The following GFRA1 variants were observed in gnomAD, a reference collection of about 807,000 sequenced individuals.
GFRA1 encodes GDNF family receptor alpha-1.
GFRA1 carries 16 observed loss-of-function variants against 51.6 expected under a neutral mutation model. The ratio of observed to expected loss-of-function variants is 0.31; its 90% CI spans 0.21 to 0.47. GFRA1 has a LOEUF of 0.47. Among genes scored for constraint, GFRA1 ranks in the 20% least tolerant of loss-of-function variants. The pLI, the probability that GFRA1 is intolerant of heterozygous loss-of-function variation, is 1.00. For missense variants in GFRA1, 530 were observed against 594.3 expected (o/e 0.89, Z 1.13); for synonymous variants, 270 against 241.3 (o/e 1.12, Z -1.10).
chr10:116,134,209 G>A (rs1329594872), intron 5 of GFRA1, among the ~76,000 whole-genome samples: 1 of 152,048 alleles, frequency 6.6e-6, no homozygotes, highest in Admixed American at 6.6e-5. Flanking sequence ...CCAATTTCTG[G>A]GTATCTTTCT....
rs1011053689 is a variant in GFRA1 at position 116,273,196 on chromosome 10, G to A, written c.-280C>T. ...AACCGACCGCGTCCAGCTGCGGCGA[G>A]GAGCCAGTTTGTTTATTTACTTATT... is the stretch of plus-strand genomic sequence containing the variant. On this transcript the variant is annotated 5_prime_UTR_variant, in exon 1 of 11. Transcript: ENST00000355422. 5.3e-5 allele frequency: 8 copies of A among 152,226 alleles called. No individual in the cohort carries two copies. Among genetic ancestry groups the A allele is most frequent in the African/African-American group, 1.7e-4 (7 of 41,450 alleles). The allele number at this position is 152,226 out of a possible 1,614,324, so 9.4% of individuals were successfully genotyped here.
Position 116,272,021 on chromosome 10 carries a change from CA to C in GFRA1, c.8del (p.Leu3ArgfsTer19). 6.4e-7 allele frequency: 1 copy of C among 1,557,860 alleles called. No homozygotes were observed. ...GCGGCAGCGCGAAGTACAGGGTCGC[CA>C]GGAACATGGTGCCGGCGCGGGGCTG... is the stretch of plus-strand genomic sequence containing the variant. The part of the protein sequence containing the change: MF[L>X]ATLYFALPLL... On this transcript the variant is annotated frameshift_variant, in exon 2 of 11. Coordinates refer to ENST00000355422, the MANE Select transcript of GFRA1 (RefSeq NM_005264.8). LOFTEE classifies it high-confidence loss of function. The surrounding 1 kb of genome is among the most constrained non-coding windows in gnomAD (Gnocchi z 4.4).
chr10:116,064,070 G>GATCATGATGATCATCATC lies in GFRA1; in HGVS notation c.*310_*327dup. 7.0e-6 allele frequency: 1 copy of GATCATGATGATCATCATC among 142,442 alleles called. No homozygotes were observed. Among genetic ancestry groups the GATCATGATGATCATCATC allele is most frequent in the East Asian group, 1.5e-4 (1 of 6,618 alleles). The allele number at this position is 142,442 out of a possible 1,614,324, so 8.8% of individuals were successfully genotyped here. A position where few individuals can be genotyped will look rare whatever the true frequency, so the allele number is the denominator to read the frequency against. On this transcript the variant is annotated 3_prime_UTR_variant, in exon 11 of 11. Coordinates refer to ENST00000355422, the MANE Select transcript of GFRA1 (RefSeq NM_005264.8). ...TCATGATCATGATGATCATCATCAT[G>GATCATGATGATCATCATC]ATCATGATGATCATCATCATGATCA...
intron 6 of GFRA1, among the ~76,000 whole-genome samples, chr10:116,117,557 G>GGA (rs1555152575): frequency 0.5 from 48,170 of 97,148 alleles, 15,098 homozygotes; most frequent in East Asian, 0.71. Flanking sequence ...GGGTGGGTGT[G>GGA]TGGATGGATG....
At chr10:116,135,739 T>C (rs929889556) in intron 5 of GFRA1, among the ~76,000 whole-genome samples, 98 of 152,320 alleles carry the variant, frequency 6.4e-4, no homozygotes, top group African/African-American at 2.3e-3. Context: ...CAAATGGTGA[T>C]GCAAAGAGGA....
At chr10:116,117,585 A>ATGGG (rs1957474633) in intron 6 of GFRA1, among the ~76,000 whole-genome samples, 5 of 112,338 alleles carry the variant, frequency 4.5e-5, no homozygotes, top group East Asian at 5.2e-4. Flanking sequence ...GGATGGATGG[A>ATGGG]TGGATGGATG....
intron 5 of GFRA1, among the ~76,000 whole-genome samples, chr10:116,128,721 GTC>G (rs1957977023): frequency 1.4e-5 from 1 of 73,482 alleles, no homozygotes; most frequent in African/African-American, 7.9e-5. Context: ...GTGAGACTCT[GTC>G]TCAAAAAAAA....
intron 5 of GFRA1, among the ~76,000 whole-genome samples, chr10:116,172,261 G>T (rs1459816874): frequency 6.6e-6 from 1 of 152,076 alleles, no homozygotes; most frequent in Non-Finnish European, 1.5e-5. Flanking sequence ...CTAGACATTA[G>T]AGGTAAGACA....
intron 6 of GFRA1, among the ~76,000 whole-genome samples, chr10:116,112,486 G>C (rs1421970963): frequency 6.6e-6 from 1 of 152,228 alleles, no homozygotes; most frequent in Non-Finnish European, 1.5e-5. Context: ...GCACCAGCCA[G>C]CATTCTAAGC....
At chr10:116,120,716 G>A (rs1957606780) in intron 6 of GFRA1, among the ~76,000 whole-genome samples, 1 of 152,366 alleles carries the variant, frequency 6.6e-6, no homozygotes, top group South Asian at 2.1e-4. Context: ...AACCCCTTAG[G>A]ATGTAGCTCC....
chr10:116,097,683 A>T (rs1476149111), intron 6 of GFRA1, among the ~76,000 whole-genome samples: 1 of 152,180 alleles, frequency 6.6e-6, no homozygotes, highest in African/African-American at 2.4e-5. Context: ...GTTTCTATGG[A>T]AGAACACAAT....
At chr10:116,255,496 A>G (rs1378809129) in intron 4 of GFRA1, 1 of 629,496 alleles carries the variant, frequency 1.6e-6, no homozygotes, top group Non-Finnish European at 2.1e-6. Flanking sequence ...AATCATCAGG[A>G]AAAAAAAAAA....
intron 9 of GFRA1, among the ~76,000 whole-genome samples, chr10:116,066,056 G>A (rs369750318): frequency 2.0e-5 from 3 of 152,290 alleles, no homozygotes; most frequent in South Asian, 2.1e-4. Flanking sequence ...TTTTTGGGAA[G>A]TACCTCCTTC....
chr10:116,150,934 C>T (rs1489181727), intron 5 of GFRA1, among the ~76,000 whole-genome samples: 1 of 151,824 alleles, frequency 6.6e-6, no homozygotes, highest in African/African-American at 2.4e-5. Context: ...CATCGAAAAT[C>T]AGTCAGATTT....
chr10:116,065,444 G>C (rs151257042), intron 10 of GFRA1, 129 bp downstream of exon 10: 12 of 754,434 alleles, frequency 1.6e-5, no homozygotes, highest in Non-Finnish European at 2.3e-5. Flanking sequence ...CGGTCATGGA[G>C]GGTGGCTTAG....
chr10:116,138,069 G>C (rs765285073), intron 5 of GFRA1, among the ~76,000 whole-genome samples: 100 of 152,236 alleles, frequency 6.6e-4, no homozygotes, highest in Middle Eastern at 6.8e-3. Context: ...CCAAAGTGCT[G>C]GGATTACAGG....
At position 116,232,403 on chromosome 10, in the gene GFRA1, T is replaced by C. The variant is rs567726797; in HGVS notation, c.419-20758A>G. On this transcript the variant is annotated intron_variant, in intron 4 of 10. Transcript: ENST00000355422. ...TACACCATTTGAATGAATCCATTTA[T>C]TGTAAATATCGAGGCATTGTGTTTA... 4.1e-4 allele frequency among the ~76,000 whole-genome samples: 63 copies of C among 152,306 alleles called. No homozygotes were observed. The South Asian group carries it at 0.012, about 28-fold the overall frequency.
intron 6 of GFRA1, among the ~76,000 whole-genome samples, chr10:116,110,686 GC>G (rs758559365): frequency 2.6e-5 from 4 of 152,132 alleles, no homozygotes; most frequent in Non-Finnish European, 5.9e-5. Flanking sequence ...CACATGCCTG[GC>G]CCAGGGTTCA....
At chr10:116,111,924 A>G (rs1424030478) in intron 6 of GFRA1, among the ~76,000 whole-genome samples, 5 of 152,202 alleles carry the variant, frequency 3.3e-5, no homozygotes, top group Non-Finnish European at 7.3e-5. Flanking sequence ...CTGTCCCTGC[A>G]TGTGCGCTCT....
Sources: allele counts gnomAD v4.1 joint callset (sites outside exome capture counted in the v4.1 genomes callset), GRCh38; gene constraint gnomAD v4.1.1; non-coding constraint Gnocchi (gnomAD v3.1); transcripts MANE v1.5; gene names NCBI Gene and HGNC (gene_info 2026-07-23, HGNC 2026-07-21).